PLA2G4A: variants seen among roughly 807,000 people sequenced by gnomAD.
PLA2G4A encodes the protein phospholipase A2 group IVA.
Under a neutral mutation model 81.9 loss-of-function variants are expected in PLA2G4A, and 40 were observed. The ratio of observed to expected loss-of-function variants is 0.49; its 90% CI spans 0.38 to 0.64. PLA2G4A has a LOEUF of 0.64. PLA2G4A is among the 30% of genes least tolerant of loss of function. The pLI is 0.00. For synonymous variants in PLA2G4A, 302 were observed against 296.9 expected, an observed-to-expected ratio of 1.02 and a Z score of -0.18; for missense variants, 715 against 905.1, an observed-to-expected ratio of 0.79 and a Z score of 2.69.
chr1:186,956,158 A>G lies in PLA2G4A; in HGVS notation c.1393A>G (p.Ile465Val). 5.6e-6 allele frequency: 9 copies of G among 1,613,390 alleles called. No individual in the cohort carries two copies. Among genetic ancestry groups the G allele is most frequent in the Non-Finnish European group, 7.6e-6 (9 of 1,179,292 alleles). ...TCAAAGTGATAATCAAGCAAGTTGG[A>G]TTCATCGTATGATAATGGCCTTGGT... ...DYQSDNQASWIHRMIMALVSD... is the reference protein window; with the variant it reads ...DYQSDNQASWVHRMIMALVSD... Residue 465 changes from isoleucine (I) to valine (V), a missense_variant, in exon 14 of 18, where the codon ATT (isoleucine) becomes GTT (valine). Physicochemically the swap from Ile to Val is conservative, Grantham distance 29 (BLOSUM62 3). Coordinates refer to ENST00000367466, the MANE Select transcript of PLA2G4A (RefSeq NM_024420.3).
chr1:186,911,172 C>A, intron 6 of PLA2G4A, 76 bp from the exon 7 acceptor site: 3 of 1,222,710 alleles, frequency 2.5e-6, no homozygotes, highest in Non-Finnish European at 3.6e-6. Flanking sequence ...CTCCTAGGGA[C>A]CTGGAAAAGC....
At chr1:186,878,658 G>A (rs1054123642) in intron 3 of PLA2G4A, among the ~76,000 whole-genome samples, 1 of 151,874 alleles carries the variant, frequency 6.6e-6, no homozygotes, top group South Asian at 2.1e-4. Flanking sequence ...AGAATGTCAG[G>A]TAGTTTACGA....
At chr1:186,948,347 C>T (rs1656413350) in intron 12 of PLA2G4A, among the ~76,000 whole-genome samples, 1 of 152,154 alleles carries the variant, frequency 6.6e-6, no homozygotes, top group Admixed American at 6.6e-5. Context: ...CCTGCTGTGA[C>T]ATTTACCACG....
intron 1 of PLA2G4A, among the ~76,000 whole-genome samples, chr1:186,846,333 TA>T: frequency 6.6e-6 from 1 of 152,348 alleles, no homozygotes; most frequent in Admixed American, 6.5e-5. Flanking sequence ...TCTATTTCAG[TA>T]ATTTCTTCAT....
At chr1:186,959,214 A>G (rs756649434) in intron 14 of PLA2G4A, among the ~76,000 whole-genome samples, 1 of 152,166 alleles carries the variant, frequency 6.6e-6, no homozygotes, top group Non-Finnish European at 1.5e-5. Context: ...AAAAAAAATA[A>G]AAGAATATGA....
rs1657960886 is a variant in PLA2G4A, at chr1:186,988,405, T to C, written c.2147T>C (p.Ile716Thr). The C allele has an allele frequency of 6.2e-7, 1 of 1,612,130 alleles. No individual in the cohort carries two copies. Among genetic ancestry groups the C allele is most frequent in the East Asian group, 2.2e-5 (1 of 44,790 alleles). ...DVIKEAMVES[I>T]EYRRQNPSRC... ...ATAAAAGAAGCCATGGTTGAAAGCA[T>C]TGAATATAGAAGACAGAATCCATCT... Residue 716 changes from isoleucine (I) to threonine (T), a missense_variant, in exon 18 of 18, where the codon ATT (isoleucine) becomes ACT (threonine). Transcript: ENST00000367466.
chr1:186,876,846 C>T (rs902070951), intron 3 of PLA2G4A, among the ~76,000 whole-genome samples: 1 of 152,034 alleles, frequency 6.6e-6, no homozygotes, highest in African/African-American at 2.4e-5. Flanking sequence ...AACATTTTCC[C>T]GAAGGGTAAC....
intron 1 of PLA2G4A, among the ~76,000 whole-genome samples, chr1:186,846,365 C>T (rs1652174686): frequency 6.6e-6 from 1 of 152,124 alleles, no homozygotes; most frequent in Non-Finnish European, 1.5e-5. Context: ...TGTTTCTTCC[C>T]TTGAACATAA....
In PLA2G4A at chr1:186,953,693, C is replaced by T. The variant is rs188219965; in HGVS notation, c.1337-2409C>T. Among the ~76,000 whole-genome samples the T allele has an allele frequency of 7.2e-5, 11 of 152,178 alleles. No individual in the cohort carries two copies. In the East Asian group the frequency reaches 7.7e-4, roughly 11 times the overall value. On this transcript the variant is annotated intron_variant, in intron 13 of 17. Coordinates refer to ENST00000367466, the MANE Select transcript of PLA2G4A (RefSeq NM_024420.3). The stretch of plus-strand genomic sequence containing the variant: ...CAAAAGGGCTCTAAGTTGTAAAGGG[C>T]GATGCAAATAGAAATGTACTATTAC...
chr1:186,872,399 A>G (rs1349209012), intron 3 of PLA2G4A, among the ~76,000 whole-genome samples: 3 of 152,150 alleles, frequency 2.0e-5, no homozygotes, highest in Non-Finnish European at 4.4e-5. Context: ...TGGAAAAGCC[A>G]TTCTTAATTC....
intron 5 of PLA2G4A, 23 bp from the exon 6 acceptor site, chr1:186,906,942 C>T (rs746016737): frequency 1.5e-6 from 2 of 1,331,096 alleles, no homozygotes; most frequent in African/African-American, 1.4e-5. Context: ...ATGACCTAAT[C>T]TGATTAACAT....
chr1:186,871,046 A>G (rs1653248901), intron 3 of PLA2G4A, among the ~76,000 whole-genome samples: 1 of 152,200 alleles, frequency 6.6e-6, no homozygotes, highest in Non-Finnish European at 1.5e-5. Flanking sequence ...TACTGAGTAA[A>G]GACTTTAAAC....
Position 186,979,603 on chromosome 1 carries a change from C to T in PLA2G4A, c.2118+131C>T, listed in dbSNP as rs578057743. On this transcript the variant is annotated intron_variant, in intron 17 of 17. Coordinates refer to ENST00000367466, the MANE Select transcript of PLA2G4A (RefSeq NM_024420.3). ...ACACCACCCAAAATATGCCACTTTA[C>T]TTTTCATGAAATATTTTGCTAATCT... The T allele has an allele frequency of 1.7e-4, 112 of 667,216 alleles. 1 individual carries two copies. In the South Asian group the frequency reaches 1.7e-3, roughly 10 times the overall value. The allele number at this position is 667,216 out of a possible 1,614,324, so 41.3% of individuals were successfully genotyped here. A position where few individuals can be genotyped will look rare whatever the true frequency, so the allele number is the denominator to read the frequency against.
At chr1:186,846,902 G>A (rs1320740377) in intron 1 of PLA2G4A, among the ~76,000 whole-genome samples, 1 of 151,838 alleles carries the variant, frequency 6.6e-6, no homozygotes, top group African/African-American at 2.4e-5. Context: ...ATTATAGTCC[G>A]CTTCATATCA....
chr1:186,856,607 G>C (rs1330357368), intron 2 of PLA2G4A, among the ~76,000 whole-genome samples: 4 of 151,736 alleles, frequency 2.6e-5, no homozygotes, highest in Non-Finnish European at 5.9e-5. Flanking sequence ...GGCCAGGCTG[G>C]TATTGAACTC....
At chr1:186,922,248 A>T (rs1432298607) in intron 7 of PLA2G4A, among the ~76,000 whole-genome samples, 1 of 152,196 alleles carries the variant, frequency 6.6e-6, no homozygotes, top group Admixed American at 6.5e-5. Flanking sequence ...CCAAAATCAG[A>T]GTATCAAGAA....
intron 3 of PLA2G4A, among the ~76,000 whole-genome samples, chr1:186,887,400 C>T (rs1354339966): frequency 6.6e-6 from 1 of 152,138 alleles, no homozygotes; most frequent in African/African-American, 2.4e-5. Flanking sequence ...TGACTTCAGG[C>T]AGGCGCTCCT....
intron 1 of PLA2G4A, among the ~76,000 whole-genome samples, chr1:186,847,306 G>C (rs1652211704): frequency 6.6e-6 from 1 of 151,348 alleles, no homozygotes; most frequent in East Asian, 1.9e-4. Flanking sequence ...TCATTTCCTT[G>C]GTCCAGTATA....
chr1:186,894,251 G>A (rs1319043700), intron 5 of PLA2G4A, 40 bp downstream of exon 5: 2 of 788,542 alleles, frequency 2.5e-6, no homozygotes, highest in African/African-American at 4.1e-5. Context: ...CCTTATGTTA[G>A]ATAAAGTCTA....
Sources: gnomAD v4.1 joint callset for allele counts (sites outside exome capture counted in the v4.1 genomes callset) on GRCh38, gnomAD v4.1.1 for gene constraint, MANE v1.5 for transcripts, NCBI Gene and HGNC (gene_info 2026-07-23, HGNC 2026-07-21) for gene names.